SLC29A3: variants seen among roughly 807,000 people sequenced by gnomAD.
SLC29A3 encodes solute carrier family 29 member 3.
A neutral mutation model predicts 25.4 loss-of-function variants in SLC29A3; 18 were observed. The observed-to-expected ratio is 0.71, with a 90% CI of 0.49 to 1.05. The LOEUF (loss-of-function observed/expected upper bound fraction) is 1.05, where lower values mean the gene tolerates loss of function less well. Ranked by LOEUF, SLC29A3 falls within the 50% of genes least tolerant of loss-of-function variation. SLC29A3 has a pLI of 0.00. For missense variants in SLC29A3, 586 were observed against 609.0 expected, an observed-to-expected ratio of 0.96 and a Z score of 0.40; for synonymous variants, 258 against 267.1, an observed-to-expected ratio of 0.97 and a Z score of 0.33.
chr10:71,369,977 G>A (rs1367285185), intron 3 of SLC29A3, among the ~76,000 whole-genome samples: 1 of 152,192 alleles, frequency 6.6e-6, no homozygotes, highest in Non-Finnish European at 1.5e-5. Context: ...TGGGTAGACA[G>A]GGTAAGGAGG....
At position 71,362,221 on chromosome 10, in the gene SLC29A3, C is replaced by T. The variant is rs779704119; in HGVS notation, c.1041C>T (p.Ile347=). 6 of 1,613,946 alleles carry T rather than the reference C, an allele frequency of 3.7e-6. No individual in the cohort carries two copies. The highest frequency in any genetic ancestry group is 5.1e-6 in the Non-Finnish European group (6 of 1,179,962). The change falls in exon 6 of 6, where the codon ATC becomes ATT. Residue 347 remains isoleucine (I), a synonymous_variant. Transcript: ENST00000373189. Reference sequence around the variant, plus strand: ...CACTGTGGACCACCAAGTTTTTCATCCCCCTCACTACCTTCCTCCTGTACA... The same window carrying T: ...CACTGTGGACCACCAAGTTTTTCATTCCCCTCACTACCTTCCTCCTGTACA... The part of the protein sequence containing the change: ...SGSLWTTKFF[I]PLTTFLLYNF...
At chr10:71,339,405 G>A (rs1846336459) in intron 2 of SLC29A3, among the ~76,000 whole-genome samples, 1 of 152,184 alleles carries the variant, frequency 6.6e-6, no homozygotes, top group Non-Finnish European at 1.5e-5. Flanking sequence ...GGGAGATAGT[G>A]GTGCGCAGGG....
At chr10:71,329,501 GT>G (rs1277467394) in intron 2 of SLC29A3, among the ~76,000 whole-genome samples, 2 of 151,422 alleles carry the variant, frequency 1.3e-5, no homozygotes, top group Admixed American at 1.3e-4. Context: ...CATCCCACGT[GT>G]TCCACTCACC....
intron 4 of SLC29A3, among the ~76,000 whole-genome samples, chr10:71,378,166 T>A (rs555420848): frequency 3.0e-4 from 45 of 151,872 alleles, no homozygotes; most frequent in Middle Eastern, 3.4e-3. Context: ...AAAAATGAAC[T>A]TAGAATGTAA....
intron 2 of SLC29A3, 136 bp downstream of exon 2, chr10:71,323,190 A>G: frequency 8.4e-7 from 1 of 1,193,660 alleles, no homozygotes. Context: ...AGAAGATGCA[A>G]ATTATGGTTC....
At chr10:71,365,081 T>C (rs1847158443), downstream of SLC29A3, 1 of 151,422 alleles carries the variant, frequency 6.6e-6, no homozygotes, top group Non-Finnish European at 1.5e-5. Flanking sequence ...ATACAAAAAT[T>C]AGCCGGGCAT....
intron 5 of SLC29A3, among the ~76,000 whole-genome samples, chr10:71,360,828 G>A (rs980728767): frequency 2.0e-5 from 3 of 152,088 alleles, no homozygotes; most frequent in African/African-American, 7.2e-5. Flanking sequence ...ACATCCATCC[G>A]GTGAACCATC....
chr10:71,356,545 AT>A (rs1846917416), intron 5 of SLC29A3, among the ~76,000 whole-genome samples: 1 of 152,132 alleles, frequency 6.6e-6, no homozygotes, highest in Non-Finnish European at 1.5e-5. Flanking sequence ...TCACACCTCT[AT>A]CCAGGCACCG....
At chr10:71,350,341 G>GTA (rs1009890965) in intron 3 of SLC29A3, among the ~76,000 whole-genome samples, 3 of 149,896 alleles carry the variant, frequency 2.0e-5, no homozygotes, top group African/African-American at 5.1e-5. Context: ...GTGTGTGTGT[G>GTA]TGTGTGTGTA....
chr10:71,367,228 C>CT (rs1774917778), downstream of SLC29A3, among the ~76,000 whole-genome samples: 1 of 152,120 alleles, frequency 6.6e-6, no homozygotes, highest in Admixed American at 6.5e-5. Context: ...AGATGATAGA[C>CT]TAAGTTGCAC....
At chr10:71,378,233 A>C (rs899724869) in intron 4 of SLC29A3, among the ~76,000 whole-genome samples, 16 of 152,240 alleles carry the variant, frequency 1.1e-4, no homozygotes, top group African/African-American at 3.9e-4. Context: ...GACCATATGA[A>C]TGCATAGCTA....
chr10:71,324,642 C>T (rs936701457), intron 2 of SLC29A3, among the ~76,000 whole-genome samples: 4 of 152,150 alleles, frequency 2.6e-5, no homozygotes, highest in African/African-American at 9.7e-5. Context: ...TAGTGGAGTT[C>T]AAAACCTGAT....
chr10:71,325,769 A>G (rs1308597598), intron 2 of SLC29A3, among the ~76,000 whole-genome samples: 1 of 152,028 alleles, frequency 6.6e-6, no homozygotes, highest in African/African-American at 2.4e-5. Context: ...GCAGTCTCCC[A>G]CCCACTCGAG....
intron 3 of SLC29A3, among the ~76,000 whole-genome samples, chr10:71,373,393 C>T (rs538296543): frequency 2.0e-5 from 3 of 152,274 alleles, no homozygotes; most frequent in South Asian, 4.1e-4. Context: ...GGAAATTTCC[C>T]TTTCCTTGCT....
intron 2 of SLC29A3, among the ~76,000 whole-genome samples, chr10:71,330,116 C>G (rs1379375412): frequency 2.0e-5 from 3 of 152,222 alleles, no homozygotes; most frequent in African/African-American, 7.2e-5. Context: ...CCAGTGGTGG[C>G]CCCTGGAAGA....
chr10:71,361,582 C>T (rs1233918300), intron 5 of SLC29A3, among the ~76,000 whole-genome samples: 3 of 152,182 alleles, frequency 2.0e-5, no homozygotes, highest in African/African-American at 7.2e-5. Context: ...TTGTATCAAG[C>T]TTGCATTCCT....
intron 4 of SLC29A3, among the ~76,000 whole-genome samples, chr10:71,378,619 C>A (rs1488559283): frequency 7.9e-5 from 12 of 152,218 alleles, no homozygotes. Flanking sequence ...AATGCAAATT[C>A]TTAGCCTACT....
At chr10:71,366,850 G>C (rs1847174566), downstream of SLC29A3, among the ~76,000 whole-genome samples, 1 of 152,210 alleles carries the variant, frequency 6.6e-6, no homozygotes, top group East Asian at 1.9e-4. Context: ...TTCTGAGTGG[G>C]AGTACCTCGT....
At chr10:71,367,026 TA>T (rs2131856177), downstream of SLC29A3, among the ~76,000 whole-genome samples, 1 of 152,264 alleles carries the variant, frequency 6.6e-6, no homozygotes, top group East Asian at 1.9e-4. Flanking sequence ...CACCATCAGG[TA>T]GAAGCTAGGA....
Sources: gnomAD v4.1 joint callset for allele counts (sites outside exome capture counted in the v4.1 genomes callset) on GRCh38, gnomAD v4.1.1 for gene constraint, MANE v1.5 for transcripts, NCBI Gene and HGNC (gene_info 2026-07-23, HGNC 2026-07-21) for gene names.